Variants in FANCL observed in about 807,000 individuals in gnomAD.
The protein encoded by FANCL is E3 ubiquitin-protein ligase FANCL.
A neutral mutation model predicts 59.4 loss-of-function variants in FANCL; 69 were observed. The observed-to-expected ratio is 1.16, with a 90% CI of 0.96 to 1.42. The LOEUF is 1.42. Ranked by LOEUF, FANCL falls within the 40% of genes most tolerant of loss-of-function variation. The pLI, the probability that FANCL is intolerant of heterozygous loss-of-function variation, is 0.00. For synonymous variants in FANCL, 180 were observed against 147.1 expected, an observed-to-expected ratio of 1.22 and a Z score of -1.62; for missense variants, 519 against 447.2, an observed-to-expected ratio of 1.16 and a Z score of -1.45.
At chr2:58,221,465 G>T (rs1190627771) in intron 5 of FANCL, among the ~76,000 whole-genome samples, 1 of 151,862 alleles carries the variant, frequency 6.6e-6, no homozygotes, top group Non-Finnish European at 1.5e-5. Flanking sequence ...TTCAAAGAAA[G>T]CTGGATGATT....
chr2:58,187,059 G>A (rs557977028), intron 7 of FANCL, among the ~76,000 whole-genome samples: 1 of 151,994 alleles, frequency 6.6e-6, no homozygotes, highest in African/African-American at 2.4e-5. Flanking sequence ...GCAATCCCAT[G>A]ACTGGGTATA....
intron 1 of FANCL, among the ~76,000 whole-genome samples, chr2:58,235,381 G>C (rs886837337): frequency 6.6e-6 from 1 of 152,082 alleles, no homozygotes; most frequent in Non-Finnish European, 1.5e-5. Context: ...TGCAATGTAA[G>C]AGCCATTAAA....
At chr2:58,198,980 G>C (rs1417988761) in intron 6 of FANCL, among the ~76,000 whole-genome samples, 1 of 145,486 alleles carries the variant, frequency 6.9e-6, no homozygotes, top group African/African-American at 2.6e-5. Context: ...AGTGAGCCGA[G>C]ACTGCGCCAC....
At chr2:58,219,200 A>ATATATG (rs1275897303) in intron 5 of FANCL, among the ~76,000 whole-genome samples, 1 of 131,080 alleles carries the variant, frequency 7.6e-6, no homozygotes, top group Admixed American at 7.8e-5. Context: ...ATATATATAT[A>ATATATG]TATATCCACA....
At chr2:58,193,720 T>C (rs1689159354) in intron 7 of FANCL, among the ~76,000 whole-genome samples, 1 of 152,106 alleles carries the variant, frequency 6.6e-6, no homozygotes, top group African/African-American at 2.4e-5. Context: ...AGAATCCAGT[T>C]GGTCAAAAGA....
intron 5 of FANCL, among the ~76,000 whole-genome samples, chr2:58,214,733 A>G (rs1177438870): frequency 6.6e-6 from 1 of 151,918 alleles, no homozygotes; most frequent in Non-Finnish European, 1.5e-5. Flanking sequence ...GTTGGTCTCA[A>G]ACTCCTGAGC....
At position 58,216,601 on chromosome 2, in the gene FANCL, G is replaced by T. The variant is rs888167202; in HGVS notation, c.374+5341C>A. 2.0e-5 allele frequency among the ~76,000 whole-genome samples: 3 copies of T among 152,166 alleles called. No individual in the cohort carries two copies. In the South Asian group the frequency reaches 6.2e-4, roughly 32 times the overall value. On this transcript the variant is annotated intron_variant, in intron 5 of 13. Coordinates refer to ENST00000233741, the MANE Select transcript of FANCL (RefSeq NM_018062.4). ...TTACAGAACATTTCAATTCTGTATT[G>T]AATCAGTTATGAAAATAAAGAAAAG...
At chr2:58,236,879 T>C (rs1168183471) in intron 1 of FANCL, among the ~76,000 whole-genome samples, 1 of 152,180 alleles carries the variant, frequency 6.6e-6, no homozygotes, top group African/African-American at 2.4e-5. Flanking sequence ...GGTCATTTCA[T>C]AATCCTAAAG....
At position 58,188,687 on chromosome 2, in the gene FANCL, G is replaced by A. The variant is rs1001833592; in HGVS notation, c.540+9907C>T. On this transcript the variant is annotated intron_variant, in intron 7 of 13. Coordinates refer to ENST00000233741, the MANE Select transcript of FANCL (RefSeq NM_018062.4). ...ACTGCTGGGCTCAATCAATCTTCTC[G>A]TCTCGGCCTCCTGAAGTGTTGGGAT... Among the ~76,000 whole-genome samples the A allele has an allele frequency of 1.3e-5, 2 of 150,844 alleles. No homozygotes were observed. The highest frequency in any genetic ancestry group is 2.1e-4 in the South Asian group (1 of 4,780).
intron 5 of FANCL, among the ~76,000 whole-genome samples, chr2:58,220,123 C>T (rs889331973): frequency 6.6e-6 from 1 of 152,182 alleles, no homozygotes; most frequent in South Asian, 2.1e-4. Context: ...TACATGCAAT[C>T]GCGATTTTAG....
At chr2:58,184,011 A>AC (rs1346742484) in intron 7 of FANCL, among the ~76,000 whole-genome samples, 2 of 152,006 alleles carry the variant, frequency 1.3e-5, no homozygotes, top group Admixed American at 1.3e-4. Context: ...TTCTAAGGTG[A>AC]CTTCCAGGTA....
chr2:58,217,175 T>C (rs377723951), intron 5 of FANCL, among the ~76,000 whole-genome samples: 1 of 12,400 alleles, frequency 8.1e-5, no homozygotes, highest in Non-Finnish European at 1.4e-4. Flanking sequence ...TTTATATATA[T>C]ATATATATAT....
chr2:58,215,591 A>T (rs1173704902), intron 5 of FANCL, among the ~76,000 whole-genome samples: 5 of 152,120 alleles, frequency 3.3e-5, no homozygotes, highest in Non-Finnish European at 7.4e-5. Context: ...AACAGAAGTG[A>T]AGTAAGCCAA....
intron 5 of FANCL, among the ~76,000 whole-genome samples, chr2:58,210,416 C>T (rs35925771): frequency 0.077 from 11,730 of 152,078 alleles, 603 homozygotes; most frequent in East Asian, 0.2. Flanking sequence ...TGGGGGAAAC[C>T]GCCCTCCCAC....
At chr2:58,173,800 T>C (rs1430402599) in intron 7 of FANCL, among the ~76,000 whole-genome samples, 1 of 152,114 alleles carries the variant, frequency 6.6e-6, no homozygotes, top group East Asian at 1.9e-4. Flanking sequence ...TAACTTTAAA[T>C]GTAAATGGAC....
At chr2:58,168,853 C>T (rs985133742) in intron 7 of FANCL, among the ~76,000 whole-genome samples, 3 of 152,138 alleles carry the variant, frequency 2.0e-5, no homozygotes, top group Non-Finnish European at 1.5e-5. Flanking sequence ...CTGGGCAGAG[C>T]TCACCGCAGC....
intron 7 of FANCL, among the ~76,000 whole-genome samples, chr2:58,173,505 T>C (rs1686903955): frequency 6.6e-6 from 1 of 152,222 alleles, no homozygotes; most frequent in South Asian, 2.1e-4. Flanking sequence ...GAAAAGAATT[T>C]TCAACCCAGA....
chr2:58,175,896 C>G (rs1186445134), intron 7 of FANCL, among the ~76,000 whole-genome samples: 19 of 152,070 alleles, frequency 1.2e-4, no homozygotes, highest in East Asian at 5.8e-4. Flanking sequence ...ATTGTCTCAG[C>G]CCAAAATCTC....
chr2:58,200,935 T>C (rs1220979225), intron 6 of FANCL, among the ~76,000 whole-genome samples: 2 of 151,552 alleles, frequency 1.3e-5, no homozygotes, highest in Non-Finnish European at 3.0e-5. Flanking sequence ...GTATTTGCAA[T>C]ATGTGTTAAT....
Sources: gnomAD v4.1 joint callset for allele counts (sites outside exome capture counted in the v4.1 genomes callset) on GRCh38, gnomAD v4.1.1 for gene constraint, MANE v1.5 for transcripts, NCBI Gene and HGNC (gene_info 2026-07-23, HGNC 2026-07-21) for gene names.